Variants in ESRP1 observed in about 807,000 individuals in gnomAD.
ESRP1 encodes the protein RNA-binding motif protein 35A.
ESRP1 carries 33 observed loss-of-function variants against 81.7 expected under a neutral mutation model. The observed-to-expected ratio is 0.40, with a 90% CI of 0.31 to 0.54. The LOEUF is 0.54. Among genes scored for constraint, ESRP1 ranks in the 20% least tolerant of loss-of-function variants. The pLI is 0.41. For synonymous variants in ESRP1, 320 were observed against 303.3 expected (o/e 1.06, Z -0.57); for missense variants, 672 against 833.1 (o/e 0.81, Z 2.38).
In ESRP1 at chr8:94,671,477, C is replaced by T; in HGVS notation, c.1258C>T (p.Pro420Ser). 9.3e-6 allele frequency: 15 copies of T among 1,613,354 alleles called. No individual in the cohort carries two copies. The highest frequency in any genetic ancestry group is 1.2e-5 in the Non-Finnish European group (14 of 1,179,550). The stretch of plus-strand genomic sequence containing the variant: ...GGTGCTGAATCGATTCTCCTCGGCC[C>T]CTCTCATTCCACTTCCAACCCCTCC... ...QQVLNRFSSA[P>S]LIPLPTPPII... Residue 420 changes from proline (P) to serine (S), a missense_variant, in exon 11 of 16, where the codon CCT becomes TCT. By Grantham distance (74) the Pro-to-Ser change is moderately conservative (BLOSUM62 -1). Coordinates refer to ENST00000433389, the MANE Select transcript of ESRP1 (RefSeq NM_017697.4).
At chr8:94,654,057 G>A (rs1461952413) in intron 4 of ESRP1, among the ~76,000 whole-genome samples, 19 of 152,148 alleles carry the variant, frequency 1.2e-4, no homozygotes, top group African/African-American at 4.6e-4. Flanking sequence ...AGTGGCTCAC[G>A]CCTGTAATCC....
intron 12 of ESRP1, among the ~76,000 whole-genome samples, chr8:94,677,029 G>A (rs1416565725): frequency 6.6e-6 from 1 of 152,028 alleles, no homozygotes; most frequent in Non-Finnish European, 1.5e-5. Context: ...AGCACAGGCT[G>A]TATAACTTTC....
intron 4 of ESRP1, among the ~76,000 whole-genome samples, chr8:94,650,555 G>A (rs1818071317): frequency 1.3e-5 from 2 of 152,114 alleles, no homozygotes; most frequent in East Asian, 3.9e-4. Context: ...TTGTTTGGAT[G>A]TATGGTTTGT....
At chr8:94,642,931 C>A (rs1169935033) in intron 2 of ESRP1, among the ~76,000 whole-genome samples, 1 of 152,216 alleles carries the variant, frequency 6.6e-6, no homozygotes, top group Non-Finnish European at 1.5e-5. Flanking sequence ...TAGAAGCTGG[C>A]ATCTTTCTTA....
chr8:94,689,811 CTTTTTTTTTT>C (rs58359551), intron 13 of ESRP1, among the ~76,000 whole-genome samples: 34,356 of 65,710 alleles, frequency 0.52, 7,310 homozygotes, highest in East Asian at 0.65. Flanking sequence ...TGATGCCTGG[CTTTTTTTTTT>C]TTTTTTTTTT....
At chr8:94,690,623 G>A (rs73695514) in intron 13 of ESRP1, among the ~76,000 whole-genome samples, 3,102 of 152,216 alleles carry the variant, frequency 0.02, 96 homozygotes, top group African/African-American at 0.07. Flanking sequence ...GAATATAATT[G>A]TCATTTATAA....
rs555131693 is a variant in ESRP1, at chr8:94,702,061, G to C, written c.*36-3864G>C. Among the ~76,000 whole-genome samples, 3 of 152,340 alleles carry C rather than the reference G, an allele frequency of 2.0e-5. No individual in the cohort carries two copies. In the East Asian group the frequency reaches 5.8e-4, roughly 29 times the overall value. On this transcript the variant is annotated intron_variant, in intron 15 of 15. Coordinates refer to ENST00000433389, the MANE Select transcript of ESRP1 (RefSeq NM_017697.4). The stretch of plus-strand genomic sequence containing the variant: ...CCACTGCCCTCCAGCCTGGACGACA[G>C]AGCGAGAGTTAATGAATGAAAACAA...
At chr8:94,661,571 C>T (rs1030050155) in intron 4 of ESRP1, among the ~76,000 whole-genome samples, 1 of 152,128 alleles carries the variant, frequency 6.6e-6, no homozygotes, top group African/African-American at 2.4e-5. Flanking sequence ...TAGAGAGATT[C>T]GCAAAACTTC....
chr8:94,700,723 A>T (rs1809789701), intron 15 of ESRP1, among the ~76,000 whole-genome samples: 1 of 151,348 alleles, frequency 6.6e-6, no homozygotes. Context: ...AGGTCAGGAG[A>T]TCGAGACCGT....
At chr8:94,650,474 C>T (rs1044554106) in intron 4 of ESRP1, among the ~76,000 whole-genome samples, 2 of 151,988 alleles carry the variant, frequency 1.3e-5, no homozygotes, top group Non-Finnish European at 2.9e-5. Flanking sequence ...TCTTTTTAGC[C>T]GGTAATATGC....
intron 13 of ESRP1, among the ~76,000 whole-genome samples, chr8:94,680,042 T>A (rs149043802): frequency 2.8e-4 from 43 of 152,320 alleles, no homozygotes; most frequent in Middle Eastern, 3.4e-3. Flanking sequence ...TTCTCTCTCT[T>A]TCTCAAACTT....
chr8:94,657,125 C>T, intron 4 of ESRP1, among the ~76,000 whole-genome samples: 1 of 152,192 alleles, frequency 6.6e-6, no homozygotes, highest in East Asian at 1.9e-4. Context: ...TTTACTTGCT[C>T]AGTTGCAGCC....
chr8:94,701,433 A>AT (rs1285185759), intron 15 of ESRP1, among the ~76,000 whole-genome samples: 1 of 152,056 alleles, frequency 6.6e-6, no homozygotes, highest in Non-Finnish European at 1.5e-5. Flanking sequence ...TGACTATCCC[A>AT]CTGAATCAGT....
chr8:94,697,837 A>G (rs1461846627), intron 15 of ESRP1, among the ~76,000 whole-genome samples: 1 of 152,044 alleles, frequency 6.6e-6, no homozygotes, highest in East Asian at 1.9e-4. Flanking sequence ...GCTGGAGTGC[A>G]ATGGCATAAT....
At chr8:94,641,748 T>G (rs2130516097) in intron 1 of ESRP1, 3 of 583,296 alleles carry the variant, frequency 5.1e-6, no homozygotes, top group East Asian at 5.4e-5. Context: ...GGCCCCGGGG[T>G]CCACTTCCAG....
intron 15 of ESRP1, among the ~76,000 whole-genome samples, chr8:94,703,996 G>A (rs956563660): frequency 6.6e-6 from 1 of 152,058 alleles, no homozygotes; most frequent in Non-Finnish European, 1.5e-5. Flanking sequence ...TTCAGCATGT[G>A]GTATTTTAAA....
chr8:94,642,050 C>T lies in ESRP1; in HGVS notation c.227C>T (p.Ser76Phe), dbSNP rs781536240. Residue 76 changes from serine to phenylalanine, a missense_variant, in exon 2 of 16, where the codon TCC (serine) becomes TTC (phenylalanine). Physicochemically the swap from Ser to Phe is radical, Grantham distance 155. Transcript: ENST00000433389. ...ACTAAAATAGACGTCGAAAGCCTGT[C>T]CTCGGCGTCGCAGCTGGACCAAGCC... ...EETKIDVESL[S>F]SASQLDQALR... is the part of the protein sequence containing the mutation. 3 of 1,613,308 alleles carry T rather than the reference C, an allele frequency of 1.9e-6. No homozygotes were observed. Among genetic ancestry groups the T allele is most frequent in the Non-Finnish European group, 2.5e-6 (3 of 1,179,874 alleles).
chr8:94,694,039 C>T (rs545552153), intron 14 of ESRP1, among the ~76,000 whole-genome samples: 1 of 152,012 alleles, frequency 6.6e-6, no homozygotes, highest in South Asian at 2.1e-4. Context: ...TTTTAAACTT[C>T]CTATCTGATT....
intron 11 of ESRP1, among the ~76,000 whole-genome samples, chr8:94,673,884 G>A (rs1263016453): frequency 6.6e-6 from 1 of 152,118 alleles, no homozygotes; most frequent in East Asian, 1.9e-4. Flanking sequence ...TACCGGTTCA[G>A]TTTCCTGTAG....
Sources: allele counts gnomAD v4.1 joint callset (sites outside exome capture counted in the v4.1 genomes callset), GRCh38; gene constraint gnomAD v4.1.1; transcripts MANE v1.5; gene names NCBI Gene and HGNC (gene_info 2026-07-23, HGNC 2026-07-21).